RAPGEF1: variants seen among roughly 807,000 people sequenced by gnomAD.
RAPGEF1 encodes CRK SH3-binding GNRP.
RAPGEF1 carries 33 observed loss-of-function variants against 143.3 expected under a neutral mutation model. The observed-to-expected ratio is 0.23, with a 90% CI of 0.17 to 0.31. The LOEUF (loss-of-function observed/expected upper bound fraction) is 0.31. Among genes scored for constraint, RAPGEF1 ranks in the 10% least tolerant of loss-of-function variants. RAPGEF1 has a pLI of 1.00. For missense variants in RAPGEF1, 1,199 were observed against 1,645.4 expected (o/e 0.73, Z 4.69); for synonymous variants, 629 against 676.5 (o/e 0.93, Z 1.09).
chr9:131,592,373 G>A (rs1036486004), intron 17 of RAPGEF1, among the ~76,000 whole-genome samples, 190 bp from the exon 18 acceptor site: 7 of 152,170 alleles, frequency 4.6e-5, no homozygotes, highest in African/African-American at 1.2e-4. Flanking sequence ...GAAGTCACAC[G>A]TCCTCTCTGT....
chr9:131,665,228 T>C (rs963780071), intron 1 of RAPGEF1, among the ~76,000 whole-genome samples: 9 of 152,172 alleles, frequency 5.9e-5, no homozygotes, highest in African/African-American at 2.2e-4. Context: ...TCTAAAACTG[T>C]ATCTCTGAAG....
intron 1 of RAPGEF1, among the ~76,000 whole-genome samples, chr9:131,701,444 T>A (rs140830876): frequency 2.0e-5 from 3 of 152,354 alleles, no homozygotes; most frequent in Non-Finnish European, 4.4e-5. Flanking sequence ...ACACTTTAGT[T>A]ACATGTCAAC....
intron 1 of RAPGEF1, among the ~76,000 whole-genome samples, chr9:131,704,738 G>C (rs535753880): frequency 2.6e-5 from 4 of 151,858 alleles, no homozygotes; most frequent in Admixed American, 6.6e-5. Context: ...TTTCGAAAGA[G>C]AGGGAAAAAA....
chr9:131,609,236 G>A (rs534463594), intron 12 of RAPGEF1, among the ~76,000 whole-genome samples: 2 of 152,306 alleles, frequency 1.3e-5, no homozygotes, highest in South Asian at 2.1e-4. Flanking sequence ...CTAGGCAGAT[G>A]TAAGTGTTGC....
At chr9:131,718,913 T>C (rs1359853410) in intron 1 of RAPGEF1, among the ~76,000 whole-genome samples, 2 of 152,142 alleles carry the variant, frequency 1.3e-5, no homozygotes, top group East Asian at 1.9e-4. Flanking sequence ...ATGAAACCCT[T>C]TACAGAGCAC....
intron 25 of RAPGEF1, 72 bp from the exon 26 acceptor site, chr9:131,580,463 AG>A: frequency 2.6e-6 from 4 of 1,531,038 alleles, no homozygotes; most frequent in Non-Finnish European, 3.6e-6. Context: ...GACATGTGTC[AG>A]GCGCTAGGAC....
At chr9:131,640,537 T>C (rs1967616559) in intron 4 of RAPGEF1, among the ~76,000 whole-genome samples, 1 of 152,144 alleles carries the variant, frequency 6.6e-6, no homozygotes, top group Non-Finnish European at 1.5e-5. Flanking sequence ...AAAAATGCCA[T>C]CTGAGGCCCA....
At chr9:131,729,479 A>G (rs1366634346) in intron 1 of RAPGEF1, among the ~76,000 whole-genome samples, 2 of 152,242 alleles carry the variant, frequency 1.3e-5, no homozygotes, top group East Asian at 3.9e-4. Context: ...CCACTTCAAT[A>G]ATGGAGAAAC....
Position 131,596,305 on chromosome 9 carries a change from G to C in RAPGEF1, c.2682C>G (p.Asp894Glu). ...DILLVHATETDRKDLVLYCEA... is the reference protein window; with the variant it reads ...DILLVHATETERKDLVLYCEA... ...AGCTCACTGACACCCTACCTTTCCT[G>C]TCAGTCTCAGTAGCATGGACCAGTA... Residue 894 changes from aspartate (D) to glutamate (E), a missense_variant, in exon 17 of 27, where the codon GAC (aspartate) becomes GAG (glutamate). Transcript: ENST00000683357. 2 of 1,613,956 alleles carry C rather than the reference G, an allele frequency of 1.2e-6. No individual in the cohort carries two copies. Among genetic ancestry groups the C allele is most frequent in the Non-Finnish European group, 1.7e-6 (2 of 1,179,862 alleles).
chr9:131,713,303 G>A (rs1300779871), intron 1 of RAPGEF1, among the ~76,000 whole-genome samples: 2 of 152,106 alleles, frequency 1.3e-5, no homozygotes, highest in Non-Finnish European at 2.9e-5. Context: ...TAAAACCCAA[G>A]GAGATCCACA....
chr9:131,696,663 GCTC>G (rs1400843043), intron 1 of RAPGEF1, among the ~76,000 whole-genome samples: 8 of 152,206 alleles, frequency 5.3e-5, no homozygotes, highest in African/African-American at 1.9e-4. Context: ...GAAATGAACA[GCTC>G]ATCATAACCT....
At chr9:131,682,041 C>T (rs550884232) in intron 1 of RAPGEF1, among the ~76,000 whole-genome samples, 1 of 152,154 alleles carries the variant, frequency 6.6e-6, no homozygotes, top group East Asian at 1.9e-4. Context: ...GTAATGGTAT[C>T]GGAAGTAATC....
chr9:131,635,714 A>C (rs1232058020), intron 5 of RAPGEF1, among the ~76,000 whole-genome samples: 1 of 149,026 alleles, frequency 6.7e-6, no homozygotes, highest in Admixed American at 6.7e-5. Flanking sequence ...GCAGCAGCTC[A>C]GGGTGTCATG....
intron 1 of RAPGEF1, among the ~76,000 whole-genome samples, chr9:131,724,131 A>G (rs1836466216): frequency 6.6e-6 from 1 of 152,258 alleles, no homozygotes; most frequent in Admixed American, 6.5e-5. Flanking sequence ...GTGAGTGGCC[A>G]TGCCAAAGCT....
chr9:131,603,776 C>CTGG (rs1199514103), intron 14 of RAPGEF1, among the ~76,000 whole-genome samples, 185 bp downstream of exon 14: 5 of 152,228 alleles, frequency 3.3e-5, no homozygotes, highest in Admixed American at 3.3e-4. Flanking sequence ...AGACCTCCAC[C>CTGG]TGGAAGCCAC....
In RAPGEF1 at chr9:131,588,812, C is replaced by T. The variant is rs779326667; in HGVS notation, c.3042G>A (p.Gly1014=). 11 of 1,612,296 alleles carry T rather than the reference C, an allele frequency of 6.8e-6. No individual in the cohort carries two copies. Among genetic ancestry groups the T allele is most frequent in the African/African-American group, 1.3e-5 (1 of 74,842 alleles). The change falls in exon 20 of 27, where the codon GGG becomes GGA. Residue 1014 remains glycine, a synonymous_variant. Transcript: ENST00000683357. ...ATSSQPLAAR[G]VAARPGTLHD... Reference sequence around the variant, plus strand: ...GGTGGGCTTCTCACCTGGCTGCTACCCCCCGGGCTGCCAGGGGCTGGCTGG... The same window carrying T: ...GGTGGGCTTCTCACCTGGCTGCTACTCCCCGGGCTGCCAGGGGCTGGCTGG...
intron 1 of RAPGEF1, among the ~76,000 whole-genome samples, chr9:131,721,728 G>A (rs1339156862): frequency 2.0e-5 from 3 of 152,068 alleles, no homozygotes; most frequent in African/African-American, 7.2e-5. Context: ...ATGGATGGTT[G>A]TGTCTGTAAC....
At chr9:131,635,372 A>C (rs1232156811) in intron 5 of RAPGEF1, among the ~76,000 whole-genome samples, 1 of 152,176 alleles carries the variant, frequency 6.6e-6, no homozygotes, top group Non-Finnish European at 1.5e-5. Context: ...TTCAGGGACA[A>C]AACCAAAGTA....
chr9:131,583,036 C>T lies in RAPGEF1; in HGVS notation c.3415-334G>A, dbSNP rs752013796. Among the ~76,000 whole-genome samples, 11 of 152,196 alleles carry T rather than the reference C, an allele frequency of 7.2e-5. No homozygotes were observed. Among genetic ancestry groups the T allele is most frequent in the African/African-American group, 2.2e-4 (9 of 41,436 alleles). ...AGATGGGCTCCTGCCTGGCCCTGTT[C>T]GGCGGTGCAGCCAGAGGAGCTTCCC... is the stretch of plus-strand genomic sequence containing the variant. On this transcript the variant is annotated intron_variant, in intron 24 of 26. Transcript: ENST00000683357. The surrounding 1 kb of genome is among the most constrained non-coding windows in gnomAD (Gnocchi z 4.7).
Sources: allele counts gnomAD v4.1 joint callset (sites outside exome capture counted in the v4.1 genomes callset), GRCh38; gene constraint gnomAD v4.1.1; non-coding constraint Gnocchi (gnomAD v3.1); transcripts MANE v1.5; gene names NCBI Gene and HGNC (gene_info 2026-07-23, HGNC 2026-07-21).